Variants in LUZP2 observed in about 807,000 individuals in gnomAD.
The protein encoded by LUZP2 is leucine zipper protein 2.
Under a neutral mutation model 51.6 loss-of-function variants are expected in LUZP2, and 52 were observed. That is an observed-to-expected ratio of 1.01 (90% CI 0.81 to 1.27). The LOEUF (loss-of-function observed/expected upper bound fraction) is 1.27. Ranked by LOEUF, LUZP2 falls within the 50% of genes most tolerant of loss-of-function variation. LUZP2 has a pLI of 0.00. For synonymous variants in LUZP2, 154 were observed against 137.3 expected (o/e 1.12, Z -0.85); for missense variants, 436 against 395.4 (o/e 1.10, Z -0.87).
chr11:24,758,209 A>G lies in LUZP2; in HGVS notation c.334-5037A>G, dbSNP rs1859843460. On this transcript the variant is annotated intron_variant, in intron 4 of 11. Coordinates refer to ENST00000336930, the MANE Select transcript of LUZP2 (RefSeq NM_001009909.4). ...CACATCATGATCAATGAAGGCAAAC[A>G]TGTCTTATCTCTTCAGGAAAATGTG... Among the ~76,000 whole-genome samples the G allele has an allele frequency of 2.0e-5, 3 of 152,066 alleles. No homozygotes were observed. In the South Asian group the frequency reaches 6.2e-4, roughly 31 times the overall value.
At chr11:25,026,972 TTTAA>T (rs1857511951) in intron 9 of LUZP2, among the ~76,000 whole-genome samples, 2 of 151,890 alleles carry the variant, frequency 1.3e-5, no homozygotes, top group Admixed American at 1.3e-4. Flanking sequence ...TGTCCCAGAT[TTTAA>T]TTAAACATTT....
intron 5 of LUZP2, among the ~76,000 whole-genome samples, chr11:24,870,390 T>C (rs1852024242): frequency 6.6e-6 from 1 of 151,926 alleles, no homozygotes; most frequent in African/African-American, 2.4e-5. Context: ...CCTCCTGAGT[T>C]TCCATGAGTC....
intron 9 of LUZP2, among the ~76,000 whole-genome samples, chr11:24,989,671 T>C (rs1028071068): frequency 1.3e-5 from 2 of 152,086 alleles, no homozygotes; most frequent in African/African-American, 2.4e-5. Flanking sequence ...AAATGAATTA[T>C]ATGAACAACT....
intron 9 of LUZP2, among the ~76,000 whole-genome samples, chr11:25,004,623 G>A (rs1430164010): frequency 2.0e-5 from 3 of 152,100 alleles, no homozygotes; most frequent in Non-Finnish European, 2.9e-5. Flanking sequence ...ATTGTCTTAG[G>A]CCTCCCATAG....
intron 1 of LUZP2, among the ~76,000 whole-genome samples, chr11:24,552,728 A>C (rs1396453927): frequency 6.6e-6 from 1 of 151,982 alleles, no homozygotes; most frequent in African/African-American, 2.4e-5. Context: ...TCTAGGAAAT[A>C]ATCAAATAAA....
intron 7 of LUZP2, among the ~76,000 whole-genome samples, chr11:24,930,955 T>C (rs988775106): frequency 1.1e-4 from 16 of 152,214 alleles, no homozygotes; most frequent in African/African-American, 3.9e-4. Flanking sequence ...GGCTCACGCC[T>C]GTAATCCCAG....
rs371194687 is a variant in LUZP2 at position 24,763,932 on chromosome 11, G to A, written c.396+624G>A. 1.1e-4 allele frequency among the ~76,000 whole-genome samples: 16 copies of A among 151,984 alleles called. No individual in the cohort carries two copies. In the South Asian group the frequency reaches 2.7e-3, roughly 26 times the overall value. On this transcript the variant is annotated intron_variant, in intron 5 of 11. Transcript: ENST00000336930. Reference sequence around the variant, plus strand: ...GACCATTGAGCCATGACTAATTCACGATAAGTCTTCCTTGATCAATCTCAC... The same window carrying A: ...GACCATTGAGCCATGACTAATTCACAATAAGTCTTCCTTGATCAATCTCAC...
intron 9 of LUZP2, among the ~76,000 whole-genome samples, chr11:24,984,549 T>TATATATATATATATATATATATA (rs60530495): frequency 7.2e-4 from 51 of 71,172 alleles, no homozygotes; most frequent in Non-Finnish European, 9.5e-4. Context: ...TATATATATA[T>TATATATATATATATATATATATA]AATTGTGAAT....
intron 1 of LUZP2, among the ~76,000 whole-genome samples, chr11:24,711,252 A>G (rs928027385): frequency 2.0e-5 from 3 of 148,942 alleles, no homozygotes; most frequent in Non-Finnish European, 4.5e-5. Context: ...GATCGAGACC[A>G]TCCTGGCTAA....
intron 7 of LUZP2, among the ~76,000 whole-genome samples, chr11:24,922,700 T>C (rs537715779): frequency 6.6e-6 from 1 of 152,092 alleles, no homozygotes; most frequent in Non-Finnish European, 1.5e-5. Flanking sequence ...CATTTGTGCG[T>C]CAAAATAATT....
intron 1 of LUZP2, among the ~76,000 whole-genome samples, chr11:24,653,815 A>G (rs913285937): frequency 2.6e-5 from 4 of 152,222 alleles, no homozygotes; most frequent in Non-Finnish European, 4.4e-5. Flanking sequence ...ACAAATGTGT[A>G]GGATACTGCC....
intron 5 of LUZP2, among the ~76,000 whole-genome samples, chr11:24,764,082 C>T (rs1860089219): frequency 6.6e-6 from 1 of 151,988 alleles, no homozygotes; most frequent in South Asian, 2.1e-4. Context: ...GTGAGAAAGC[C>T]AGCTTACTCA....
intron 10 of LUZP2, among the ~76,000 whole-genome samples, chr11:25,059,524 G>A (rs903809715): frequency 1.3e-5 from 2 of 152,084 alleles, no homozygotes; most frequent in Non-Finnish European, 1.5e-5. Flanking sequence ...TATCTGCACT[G>A]AAGTCAAACA....
chr11:25,080,648 T>C lies in LUZP2; in HGVS notation c.*1990T>C, dbSNP rs1859436851. The C allele has an allele frequency of 6.6e-6, 1 of 152,088 alleles. No individual in the cohort carries two copies. Among genetic ancestry groups the C allele is most frequent in the South Asian group, 2.1e-4 (1 of 4,810 alleles). 9.4% of individuals were successfully genotyped at this position (152,088 alleles called of 1,614,324 possible). A position where few individuals can be genotyped will look rare whatever the true frequency, so the allele number is the denominator to read the frequency against. On this transcript the variant is annotated 3_prime_UTR_variant, in exon 12 of 12. Coordinates refer to ENST00000336930, the MANE Select transcript of LUZP2 (RefSeq NM_001009909.4). ...TCTCCCAAGTCCTGTTCCTTGTAAT[T>C]CTCCCACTGTTCTCAGTGGCCCTAA...
At chr11:24,869,488 C>T (rs1486718) in intron 5 of LUZP2, among the ~76,000 whole-genome samples, 2 of 151,956 alleles carry the variant, frequency 1.3e-5, no homozygotes, top group African/African-American at 2.4e-5. Context: ...ATGGAGTCTC[C>T]CTCTGTCGCC....
chr11:24,764,490 TAAAAAAAAAAA>T (rs869045272), intron 5 of LUZP2, among the ~76,000 whole-genome samples: 5 of 94,058 alleles, frequency 5.3e-5, no homozygotes, highest in African/African-American at 1.5e-4. Flanking sequence ...ATCTCATCTC[TAAAAAAAAAAA>T]AAAAAAAAAA....
chr11:24,945,627 T>A (rs531482280), intron 7 of LUZP2, among the ~76,000 whole-genome samples: 1 of 152,076 alleles, frequency 6.6e-6, no homozygotes, highest in East Asian at 1.9e-4. Flanking sequence ...TAAGGCTCTC[T>A]ATGAACAACC....
chr11:24,565,271 G>A (rs1180804283), intron 1 of LUZP2, among the ~76,000 whole-genome samples: 2 of 152,076 alleles, frequency 1.3e-5, no homozygotes, highest in African/African-American at 4.8e-5. Flanking sequence ...GCATTAAATA[G>A]AAGAAATGGC....
At chr11:24,893,926 A>ATTAG (rs1202553591) in intron 5 of LUZP2, among the ~76,000 whole-genome samples, 1 of 152,116 alleles carries the variant, frequency 6.6e-6, no homozygotes, top group Non-Finnish European at 1.5e-5. Flanking sequence ...CTGCTTTACA[A>ATTAG]TTAGTAGAGA....
Sources: allele counts gnomAD v4.1 joint callset (sites outside exome capture counted in the v4.1 genomes callset), GRCh38; gene constraint gnomAD v4.1.1; transcripts MANE v1.5; gene names NCBI Gene and HGNC (gene_info 2026-07-23, HGNC 2026-07-21).